Variants in EPHA3 observed in about 807,000 individuals in gnomAD.
EPHA3 encodes the protein EPH receptor A3, also known as ephrin type-A receptor 3.
EPHA3 carries 42 observed loss-of-function variants against 107.1 expected under a neutral mutation model. The ratio of observed to expected loss-of-function variants is 0.39; its 90% CI spans 0.31 to 0.51. The LOEUF is 0.51. Ranked by LOEUF, EPHA3 falls within the 20% of genes least tolerant of loss-of-function variation. EPHA3 has a pLI of 0.78. For missense variants in EPHA3, 1,183 were observed against 1,211.2 expected (o/e 0.98, Z 0.35); for synonymous variants, 461 against 424.8 (o/e 1.09, Z -1.05).
chr3:89,330,173 A>G (rs1005140515), intron 3 of EPHA3, among the ~76,000 whole-genome samples: 2 of 151,948 alleles, frequency 1.3e-5, no homozygotes, highest in African/African-American at 2.4e-5. Flanking sequence ...AAATTTCAGG[A>G]TACCTTAAGT....
At chr3:89,467,965 C>T (rs1367863605) in intron 15 of EPHA3, among the ~76,000 whole-genome samples, 2 of 152,184 alleles carry the variant, frequency 1.3e-5, no homozygotes, top group African/African-American at 4.8e-5. Flanking sequence ...CGGTGCACAT[C>T]ACCCAGCCTA....
At chr3:89,396,166 A>G (rs1019882393) in intron 6 of EPHA3, among the ~76,000 whole-genome samples, 10 of 152,220 alleles carry the variant, frequency 6.6e-5, no homozygotes, top group African/African-American at 2.2e-4. Flanking sequence ...AGCAATAAAC[A>G]ACATCAAAGA....
At chr3:89,350,933 G>T (rs1707799100) in intron 5 of EPHA3, among the ~76,000 whole-genome samples, 1 of 151,422 alleles carries the variant, frequency 6.6e-6, no homozygotes. Context: ...CTGCTCGGGG[G>T]TCAGGGGTCA....
intron 13 of EPHA3, among the ~76,000 whole-genome samples, chr3:89,448,921 G>A (rs549608802): frequency 1.6e-4 from 24 of 151,828 alleles, no homozygotes; most frequent in Non-Finnish European, 2.8e-4. Flanking sequence ...GCTTCAGGTT[G>A]TTTTGTTGCA....
chr3:89,224,411 C>T (rs895454796), intron 3 of EPHA3, among the ~76,000 whole-genome samples: 1 of 152,114 alleles, frequency 6.6e-6, no homozygotes, highest in African/African-American at 2.4e-5. Flanking sequence ...TGCCTTGTAT[C>T]AGTTTACCTT....
At chr3:89,389,287 TGA>T (rs1708680470) in intron 5 of EPHA3, among the ~76,000 whole-genome samples, 1 of 152,120 alleles carries the variant, frequency 6.6e-6, no homozygotes, top group Non-Finnish European at 1.5e-5. Flanking sequence ...CTGAAAAAAC[TGA>T]GAAGGAAATG....
chr3:89,456,618 C>T (rs78753394), intron 15 of EPHA3, among the ~76,000 whole-genome samples: 2 of 152,146 alleles, frequency 1.3e-5, no homozygotes, highest in African/African-American at 2.4e-5. Context: ...AGAGTGTCTC[C>T]ATGAATATCG....
At chr3:89,173,607 A>G (rs955315902) in intron 2 of EPHA3, among the ~76,000 whole-genome samples, 3 of 152,114 alleles carry the variant, frequency 2.0e-5, no homozygotes, top group African/African-American at 7.2e-5. Flanking sequence ...TTCTAAAAGT[A>G]GATTTTGCTT....
At chr3:89,227,907 A>G (rs1704536833) in intron 3 of EPHA3, among the ~76,000 whole-genome samples, 1 of 152,002 alleles carries the variant, frequency 6.6e-6, no homozygotes, top group Non-Finnish European at 1.5e-5. Context: ...GGCAAATTTC[A>G]CACTTACTTT....
At chr3:89,272,076 T>C (rs2107299521) in intron 3 of EPHA3, among the ~76,000 whole-genome samples, 1 of 152,134 alleles carries the variant, frequency 6.6e-6, no homozygotes, top group East Asian at 1.9e-4. Context: ...TAGTATATAA[T>C]ACCTATAACA....
At chr3:89,447,113 T>TA (rs1438540822) in intron 13 of EPHA3, among the ~76,000 whole-genome samples, 1 of 152,172 alleles carries the variant, frequency 6.6e-6, no homozygotes, top group African/African-American at 2.4e-5. Context: ...TTTTGAATTA[T>TA]AAAAACATAA....
chr3:89,346,232 C>T (rs1251612914), intron 5 of EPHA3, among the ~76,000 whole-genome samples: 1 of 127,326 alleles, frequency 7.9e-6, no homozygotes, highest in Admixed American at 7.7e-5. Context: ...ACAGTCCCAC[C>T]AACAGTGTAA....
chr3:89,228,226 G>A (rs780274910), intron 3 of EPHA3, among the ~76,000 whole-genome samples: 8 of 151,866 alleles, frequency 5.3e-5, no homozygotes, highest in Non-Finnish European at 1.0e-4. Context: ...GATAGTCACG[G>A]ACAGAGTGTG....
chr3:89,412,213 C>G (rs73137382), intron 9 of EPHA3, among the ~76,000 whole-genome samples: 27,284 of 151,188 alleles, frequency 0.18, 3,213 homozygotes, highest in Non-Finnish European at 0.24. Context: ...GTTATTTTTC[C>G]AAATTATAGG....
chr3:89,195,101 A>G (rs947748685), intron 2 of EPHA3, among the ~76,000 whole-genome samples: 11 of 152,052 alleles, frequency 7.2e-5, no homozygotes, highest in African/African-American at 2.7e-4. Flanking sequence ...CTGAATTTAT[A>G]TGCATGTAAT....
chr3:89,300,422 C>G (rs908142226), intron 3 of EPHA3, among the ~76,000 whole-genome samples: 8 of 151,910 alleles, frequency 5.3e-5, no homozygotes, highest in Non-Finnish European at 1.2e-4. Context: ...GCTACACACA[C>G]AGAGACATAC....
intron 2 of EPHA3, among the ~76,000 whole-genome samples, chr3:89,192,667 C>T (rs1201738798): frequency 1.3e-5 from 2 of 151,820 alleles, no homozygotes; most frequent in African/African-American, 4.8e-5. Context: ...CAATGTAATC[C>T]TACTTAATTT....
chr3:89,435,247 T>G (rs1324177366), intron 13 of EPHA3, among the ~76,000 whole-genome samples: 1 of 151,678 alleles, frequency 6.6e-6, no homozygotes, highest in African/African-American at 2.4e-5. Flanking sequence ...AACTGATGCA[T>G]TAATCAAACA....
chr3:89,420,068 T>G (rs1358473515), intron 11 of EPHA3, among the ~76,000 whole-genome samples: 3 of 151,484 alleles, frequency 2.0e-5, no homozygotes, highest in Non-Finnish European at 4.4e-5. Context: ...GGATCTGTGA[T>G]TTTTGGCTCC....
Sources: allele counts gnomAD v4.1 joint callset (sites outside exome capture counted in the v4.1 genomes callset), GRCh38; gene constraint gnomAD v4.1.1; transcripts MANE v1.5; gene names NCBI Gene and HGNC (gene_info 2026-07-23, HGNC 2026-07-21).